RIC1: variants seen among roughly 807,000 people sequenced by gnomAD.
RIC1 encodes the protein RIC1 partner of RAB6A GEF complex.
RIC1 carries 88 observed loss-of-function variants against 169.0 expected under a neutral mutation model. That is an observed-to-expected ratio of 0.52 (90% CI 0.44 to 0.62). RIC1 has a LOEUF of 0.62. RIC1 is among the 20% of genes least tolerant of loss of function. The probability of loss-of-function intolerance (pLI) is 0.00; values close to 1 mark genes in which losing one functional copy is unlikely to be tolerated. For missense variants in RIC1, 1,877 were observed against 1,725.5 expected, an observed-to-expected ratio of 1.09 and a Z score of -1.56; for synonymous variants, 790 against 601.5, an observed-to-expected ratio of 1.31 and a Z score of -4.59.
In RIC1 at chr9:5,690,057, A is replaced by G. The variant is rs981973564; in HGVS notation, c.332+19A>G. 1 of 1,489,142 alleles carries G rather than the reference A, an allele frequency of 6.7e-7. No homozygotes were observed. Among genetic ancestry groups the G allele is most frequent in the African/African-American group, 1.4e-5 (1 of 70,802 alleles). 92.2% of individuals were successfully genotyped at this position (1,489,142 alleles called of 1,614,324 possible). On this transcript the variant is annotated intron_variant, in intron 3 of 25. Coordinates refer to ENST00000414202, the MANE Select transcript of RIC1 (RefSeq NM_020829.4). ...ATCCCAAGTAAGTTTGTTGCCTTTC[A>G]TTCTTTTAATATGTGATTTGCATAC... is the stretch of plus-strand genomic sequence containing the variant.
At chr9:5,770,434 A>C (rs762512122) in intron 23 of RIC1, among the ~76,000 whole-genome samples, 156 bp downstream of exon 23, 1 of 152,220 alleles carries the variant, frequency 6.6e-6, no homozygotes, top group African/African-American at 2.4e-5. Flanking sequence ...AACAAGGCCA[A>C]ACTGGCCTTG....
chr9:5,732,664 C>T (rs528280737), intron 7 of RIC1, among the ~76,000 whole-genome samples, 185 bp downstream of exon 7: 1 of 152,026 alleles, frequency 6.6e-6, no homozygotes, highest in South Asian at 2.1e-4. Flanking sequence ...AAGTAAAGGG[C>T]AGATTTTGGA....
chr9:5,710,593 C>G (rs1822870387), intron 3 of RIC1, among the ~76,000 whole-genome samples: 1 of 152,104 alleles, frequency 6.6e-6, no homozygotes, highest in African/African-American at 2.4e-5. Flanking sequence ...AAAATAAGAA[C>G]AAAGGACTAA....
chr9:5,629,531 G>A (rs1817614165), intron 1 of RIC1, 78 bp downstream of exon 1: 7 of 1,451,718 alleles, frequency 4.8e-6, no homozygotes, highest in Non-Finnish European at 5.5e-6. Context: ...CTTCCACCCA[G>A]AGCCTAGGAC....
chr9:5,766,381 C>T (rs1826755846), intron 21 of RIC1, among the ~76,000 whole-genome samples: 1 of 152,034 alleles, frequency 6.6e-6, no homozygotes, highest in South Asian at 2.1e-4. Context: ...TACTGGGGTC[C>T]AGGTGGTATT....
intron 3 of RIC1, among the ~76,000 whole-genome samples, chr9:5,692,196 C>T (rs1431273569): frequency 6.6e-6 from 1 of 152,094 alleles, no homozygotes; most frequent in African/African-American, 2.4e-5. Context: ...GTTAAAGATA[C>T]AGGCTTTGGT....
intron 2 of RIC1, among the ~76,000 whole-genome samples, chr9:5,660,696 G>GT (rs1819400443): frequency 1.3e-4 from 20 of 150,628 alleles, no homozygotes; most frequent in East Asian, 2.0e-4. Flanking sequence ...TTCTTAATGG[G>GT]ATTTTTTTTT....
intron 3 of RIC1, among the ~76,000 whole-genome samples, chr9:5,711,944 A>G (rs1172163306): frequency 2.0e-5 from 3 of 152,058 alleles, no homozygotes; most frequent in Admixed American, 2.0e-4. Context: ...CATGGTGTAT[A>G]TGTGCCACAT....
chr9:5,661,481 C>T (rs1160181806), intron 2 of RIC1, among the ~76,000 whole-genome samples: 1 of 152,110 alleles, frequency 6.6e-6, no homozygotes, highest in Non-Finnish European at 1.5e-5. Context: ...GAATGTTTTT[C>T]CATTTGTTCG....
At chr9:5,663,492 G>T (rs7038540) in intron 2 of RIC1, among the ~76,000 whole-genome samples, 50,100 of 151,974 alleles carry the variant, frequency 0.33, 8,782 homozygotes, top group East Asian at 0.59. Context: ...ACTTGCTTTA[G>T]GAATCTGGGT....
chr9:5,746,116 TC>T (rs1377408023), intron 11 of RIC1, 33 bp downstream of exon 11: 13 of 1,564,782 alleles, frequency 8.3e-6, no homozygotes, highest in Middle Eastern at 1.8e-4. Flanking sequence ...TTTTTTAGTG[TC>T]TTTTGTGTTA....
intron 2 of RIC1, among the ~76,000 whole-genome samples, chr9:5,680,859 C>T (rs1586935004): frequency 8.9e-6 from 1 of 112,732 alleles, no homozygotes; most frequent in East Asian, 3.1e-4. Flanking sequence ...CGGAGTCTCG[C>T]TCTGTCGCCC....
chr9:5,755,781 G>A (rs1450034012), intron 15 of RIC1, among the ~76,000 whole-genome samples: 1 of 152,060 alleles, frequency 6.6e-6, no homozygotes, highest in Non-Finnish European at 1.5e-5. Context: ...AAATTATCCA[G>A]GTATGGTGGC....
At chr9:5,726,724 C>T (rs1034342364) in intron 6 of RIC1, among the ~76,000 whole-genome samples, 1 of 152,166 alleles carries the variant, frequency 6.6e-6, no homozygotes, top group African/African-American at 2.4e-5. Context: ...GTGCTTCCTT[C>T]AGGAGCTCTT....
At chr9:5,769,810 A>G (rs1827073383) in intron 22 of RIC1, 1 of 335,416 alleles carries the variant, frequency 3.0e-6, no homozygotes, top group Admixed American at 4.4e-5. Flanking sequence ...TTAAGAGCCA[A>G]AGCAAATCAC....
intron 2 of RIC1, among the ~76,000 whole-genome samples, chr9:5,665,010 G>A (rs1251653324): frequency 6.6e-6 from 1 of 152,150 alleles, no homozygotes; most frequent in Non-Finnish European, 1.5e-5. Flanking sequence ...TGTCAGTGGT[G>A]TGTTCCAGTC....
At chr9:5,674,867 T>C (rs183632156) in intron 2 of RIC1, among the ~76,000 whole-genome samples, 2 of 152,354 alleles carry the variant, frequency 1.3e-5, no homozygotes, top group African/African-American at 4.8e-5. Flanking sequence ...GTTCCGGGCA[T>C]ATGCTTAACC....
intron 5 of RIC1, 131 bp downstream of exon 5, chr9:5,720,455 G>T (rs1823517042): frequency 2.7e-6 from 3 of 1,113,678 alleles, no homozygotes; most frequent in Non-Finnish European, 3.9e-6. Flanking sequence ...ATGAGAGGCG[G>T]GGTGAGAGAG....
chr9:5,753,757 G>T (rs1825850431), intron 14 of RIC1, 111 bp downstream of exon 14: 2 of 474,762 alleles, frequency 4.2e-6, no homozygotes, highest in African/African-American at 2.0e-5. Flanking sequence ...TTAAAAATAA[G>T]GAAAATCAGA....
Sources: allele counts gnomAD v4.1 joint callset (sites outside exome capture counted in the v4.1 genomes callset), GRCh38; gene constraint gnomAD v4.1.1; transcripts MANE v1.5; gene names NCBI Gene and HGNC (gene_info 2026-07-23, HGNC 2026-07-21).